CCNY: variants seen among roughly 807,000 people sequenced by gnomAD.
The protein encoded by CCNY is cyclin Y, also known as cyclin-Y.
CCNY carries 19 observed loss-of-function variants against 42.8 expected under a neutral mutation model. That is an observed-to-expected ratio of 0.44 (90% confidence interval 0.31 to 0.65). The LOEUF (loss-of-function observed/expected upper bound fraction) is 0.65. CCNY is among the 30% of genes least tolerant of loss of function. CCNY has a pLI of 0.07. For missense variants in CCNY, 370 were observed against 437.3 expected, an observed-to-expected ratio of 0.85 and a Z score of 1.37; for synonymous variants, 165 against 162.7, an observed-to-expected ratio of 1.01 and a Z score of -0.11.
chr10:35,379,786 C>T (rs1008321416), intron 1 of CCNY, among the ~76,000 whole-genome samples: 2 of 152,156 alleles, frequency 1.3e-5, no homozygotes, highest in Non-Finnish European at 2.9e-5. Context: ...TGCCTTTATC[C>T]ACCCCCTACC....
At chr10:35,410,540 G>T (rs545794841) in intron 1 of CCNY, among the ~76,000 whole-genome samples, 2 of 152,308 alleles carry the variant, frequency 1.3e-5, no homozygotes, top group East Asian at 3.9e-4. Context: ...TTTCCAAAAA[G>T]GGAGGAAAGA....
Position 35,553,032 on chromosome 10 carries a change from G to T in CCNY, c.593G>T (p.Arg198Ile). ...CAIVTLVYLERLLTYAEIDIC... is the reference protein window; with the variant it reads ...CAIVTLVYLEILLTYAEIDIC... ...TTGTCTTCCCAGGTGTACCTTGAAA[G>T]ACTTTTAACATACGCAGAGATAGAT... is the stretch of plus-strand genomic sequence containing the variant. The change falls in exon 8 of 10, where the codon AGA becomes ATA. Residue 198 changes from arginine to isoleucine, a missense_variant. By Grantham distance (97) the Arg-to-Ile change is moderately conservative (BLOSUM62 -3). Coordinates refer to ENST00000374704, the MANE Select transcript of CCNY (RefSeq NM_145012.6). The T allele has an allele frequency of 6.2e-7, 1 of 1,614,024 alleles. No homozygotes were observed. The highest frequency in any genetic ancestry group is 8.5e-7 in the Non-Finnish European group (1 of 1,179,912).
chr10:35,384,420 C>T (rs1837258841), intron 1 of CCNY, among the ~76,000 whole-genome samples: 1 of 152,150 alleles, frequency 6.6e-6, no homozygotes, highest in South Asian at 2.1e-4. Context: ...AACACTTTAC[C>T]TAGATAAGGT....
intron 3 of CCNY, among the ~76,000 whole-genome samples, chr10:35,311,787 A>G (rs1451402198): frequency 5.9e-5 from 9 of 151,338 alleles, no homozygotes; most frequent in African/African-American, 1.9e-4. Flanking sequence ...GGAGTTCAAA[A>G]CCAGCCTGGG....
intron 3 of CCNY, among the ~76,000 whole-genome samples, chr10:35,286,636 G>A (rs1369873691): frequency 1.3e-5 from 2 of 148,744 alleles, no homozygotes; most frequent in Non-Finnish European, 1.5e-5. Context: ...GATTACAGGC[G>A]TGAGCCACCG....
At chr10:35,548,916 C>G (rs915372897) in intron 7 of CCNY, among the ~76,000 whole-genome samples, 3 of 152,198 alleles carry the variant, frequency 2.0e-5, no homozygotes, top group Non-Finnish European at 4.4e-5. Context: ...TAAGGAACAT[C>G]TGATAAGCCA....
At chr10:35,309,920 C>A (rs893910690) in intron 3 of CCNY, among the ~76,000 whole-genome samples, 2 of 151,910 alleles carry the variant, frequency 1.3e-5, no homozygotes. Flanking sequence ...CCTGCCTCAG[C>A]CTTCCGAGTA....
At chr10:35,399,913 T>G (rs1462422559) in intron 1 of CCNY, among the ~76,000 whole-genome samples, 1 of 152,084 alleles carries the variant, frequency 6.6e-6, no homozygotes, top group Non-Finnish European at 1.5e-5. Context: ...TCCAAACTGG[T>G]GTTTTTGTTT....
chr10:35,535,526 G>GTATACGTATATGTATACA (rs959667025), intron 7 of CCNY, among the ~76,000 whole-genome samples: 25 of 152,204 alleles, frequency 1.6e-4, no homozygotes, highest in Admixed American at 3.3e-4. Flanking sequence ...ATATGTGTAT[G>GTATACGTATATGTATACA]TATACGTATA....
At chr10:35,301,857 T>C (rs981214418) in intron 3 of CCNY, among the ~76,000 whole-genome samples, 2 of 152,166 alleles carry the variant, frequency 1.3e-5, no homozygotes, top group Admixed American at 1.3e-4. Context: ...GGTTTCAAAC[T>C]CCTGGGCTCA....
At chr10:35,468,402 G>C (rs1477252423) in intron 1 of CCNY, among the ~76,000 whole-genome samples, 3 of 152,206 alleles carry the variant, frequency 2.0e-5, no homozygotes, top group African/African-American at 7.2e-5. Context: ...TGCATGTATA[G>C]ACGTGTGTGT....
chr10:35,569,228 A>G lies in CCNY; in HGVS notation c.*58A>G, dbSNP rs1477290907. ...TTAGTTTCTCCTTTAGTTTGAGAAAAGACAGACTTGGGGTGGGTTTGTTTT... is the reference window on the plus strand; with the variant it reads ...TTAGTTTCTCCTTTAGTTTGAGAAAGGACAGACTTGGGGTGGGTTTGTTTT... On this transcript the variant is annotated 3_prime_UTR_variant, in exon 10 of 10. Transcript: ENST00000374704. The G allele has an allele frequency of 9.4e-7, 1 of 1,068,798 alleles. No homozygotes were observed. Among genetic ancestry groups the G allele is most frequent in the Non-Finnish European group, 1.4e-6 (1 of 693,006 alleles). 66.2% of individuals were successfully genotyped at this position (1,068,798 alleles called of 1,614,324 possible).
upstream of CCNY, chr10:35,332,517 G>C (rs1360428870): frequency 6.6e-6 from 1 of 152,194 alleles, no homozygotes; most frequent in Non-Finnish European, 1.5e-5. Context: ...GTTTTAAATA[G>C]TGTGGTTCCA....
intron 3 of CCNY, among the ~76,000 whole-genome samples, chr10:35,281,777 A>C (rs1476819960): frequency 6.6e-6 from 1 of 152,236 alleles, no homozygotes; most frequent in East Asian, 1.9e-4. Flanking sequence ...CTACTGATAC[A>C]TGCTACGGCA....
intron 1 of CCNY, among the ~76,000 whole-genome samples, chr10:35,406,195 T>TTTTTC (rs1564398837): frequency 3.5e-4 from 51 of 146,024 alleles, no homozygotes; most frequent in African/African-American, 1.2e-3. Flanking sequence ...TTTTTTTTCT[T>TTTTTC]TTTTATTTTA....
At chr10:35,514,510 C>G (rs1057460177) in intron 3 of CCNY, among the ~76,000 whole-genome samples, 4 of 152,106 alleles carry the variant, frequency 2.6e-5, no homozygotes, top group African/African-American at 4.8e-5. Flanking sequence ...AGGGGTGGTG[C>G]CCTCCCTGTC....
intron 1 of CCNY, among the ~76,000 whole-genome samples, chr10:35,340,828 C>G (rs189567237): frequency 6.6e-5 from 10 of 152,242 alleles, no homozygotes; most frequent in Admixed American, 2.6e-4. Flanking sequence ...TTATAGTTTA[C>G]CTGTCATCCT....
chr10:35,285,778 T>A (rs1209436499), intron 3 of CCNY, among the ~76,000 whole-genome samples: 1 of 151,248 alleles, frequency 6.6e-6, no homozygotes, highest in African/African-American at 2.4e-5. Context: ...TTTGCATTTT[T>A]AAAAATTATG....
Position 35,569,504 on chromosome 10 carries a change from G to A in CCNY, c.*334G>A, listed in dbSNP as rs953351215. 1.8e-5 allele frequency: 6 copies of A among 326,426 alleles called. No individual in the cohort carries two copies. Among genetic ancestry groups the A allele is most frequent in the Non-Finnish European group, 2.9e-5 (5 of 171,236 alleles). The allele number at this position is 326,426 out of a possible 1,614,324, so 20.2% of individuals were successfully genotyped here. On this transcript the variant is annotated 3_prime_UTR_variant, in exon 10 of 10. Coordinates refer to ENST00000374704, the MANE Select transcript of CCNY (RefSeq NM_145012.6). ...CCCGGCCCTCTGGAGTCCCCATGGGGGCGGTAGCTGAAGTTGGCGAGCGCA... is the reference window on the plus strand; with the variant it reads ...CCCGGCCCTCTGGAGTCCCCATGGGAGCGGTAGCTGAAGTTGGCGAGCGCA...
Sources: allele counts gnomAD v4.1 joint callset (sites outside exome capture counted in the v4.1 genomes callset), GRCh38; gene constraint gnomAD v4.1.1; transcripts MANE v1.5; gene names NCBI Gene and HGNC (gene_info 2026-07-23, HGNC 2026-07-21).